ZNF350: variants seen among roughly 807,000 people sequenced by gnomAD.
ZNF350 encodes zinc finger protein 350.
In ZNF350, 5 loss-of-function variants were observed where a neutral mutation model predicts 13.1. That is an observed-to-expected ratio of 0.38 (90% CI 0.20 to 0.80). The LOEUF is 0.80. Ranked by LOEUF, ZNF350 falls within the 30% of genes least tolerant of loss-of-function variation. ZNF350 has a pLI of 0.43. For synonymous variants in ZNF350, 199 were observed against 224.2 expected (o/e 0.89, Z 1.00); for missense variants, 534 against 644.2 (o/e 0.83, Z 1.85).
At chr19:51,978,257 G>C (rs966710548) in intron 1 of ZNF350, among the ~76,000 whole-genome samples, 7 of 152,260 alleles carry the variant, frequency 4.6e-5, no homozygotes, top group Admixed American at 3.9e-4. Flanking sequence ...TGCAGGATTA[G>C]ATCTACCCAC....
intron 1 of ZNF350, among the ~76,000 whole-genome samples, chr19:51,984,913 CAAAAA>C (rs2086132593): frequency 6.6e-6 from 1 of 151,574 alleles, no homozygotes; most frequent in South Asian, 2.1e-4. Context: ...AAGGCTGACA[CAAAAA>C]AAGAGTGATG....
rs1014312277 is a variant in ZNF350, at chr19:51,970,237, A to G, written c.16-1106T>C. Among the ~76,000 whole-genome samples, 5 of 151,696 alleles carry G rather than the reference A, an allele frequency of 3.3e-5. No homozygotes were observed. In the East Asian group the frequency reaches 9.7e-4, roughly 29 times the overall value. ...CCACCACAACCAGCTAATTTTTTGT[A>G]TTTTTAGTAGAGATGGGGTTTCACT... On this transcript the variant is annotated intron_variant, in intron 2 of 4. Coordinates refer to ENST00000243644, the MANE Select transcript of ZNF350 (RefSeq NM_021632.4).
In ZNF350 at chr19:51,965,209, G is replaced by A. The variant is rs777940934; in HGVS notation, c.1244C>T (p.Ser415Leu). 1.4e-5 allele frequency: 23 copies of A among 1,613,958 alleles called. No homozygotes were observed. Among genetic ancestry groups the A allele is most frequent in the Middle Eastern group, 1.6e-4 (1 of 6,084 alleles). Residue 415 changes from serine (S) to leucine (L), a missense_variant, in exon 5 of 5, where the codon TCG (serine) becomes TTG (leucine). Coordinates refer to ENST00000243644, the MANE Select transcript of ZNF350 (RefSeq NM_021632.4). ...NECGKAFAYMSCLVKHKRIHT... is the reference protein window; with the variant it reads ...NECGKAFAYMLCLVKHKRIHT... The stretch of plus-strand genomic sequence containing the variant: ...TATTCTCTTATGCTTAACCAGACAC[G>A]ACATATACGCAAACGCTTTCCCACA...
chr19:51,986,818 T>G lies in ZNF350; in HGVS notation c.-220A>C, dbSNP rs1423017489. ...GAAGGGCCTCAACGTTACACTTCCG[T>G]AAACTGCTCCTACTTCTGGAGTCCT... On this transcript the variant is annotated 5_prime_UTR_variant, in exon 1 of 5. Transcript: ENST00000243644. 6.6e-6 allele frequency: 1 copy of G among 152,208 alleles called. No individual in the cohort carries two copies. The highest frequency in any genetic ancestry group is 2.4e-5 in the African/African-American group (1 of 41,426). The allele number at this position is 152,208 out of a possible 1,614,324, so 9.4% of individuals were successfully genotyped here.
rs2085511197 is a variant in ZNF350 at position 51,964,517 on chromosome 19, C to A, written c.*337G>T. 3.1e-6 allele frequency: 1 copy of A among 319,096 alleles called. No homozygotes were observed. Among genetic ancestry groups the A allele is most frequent in the Non-Finnish European group, 5.8e-6 (1 of 172,464 alleles). The allele number at this position is 319,096 out of a possible 1,614,324, so 19.8% of individuals were successfully genotyped here. On this transcript the variant is annotated 3_prime_UTR_variant, in exon 5 of 5. Coordinates refer to ENST00000243644, the MANE Select transcript of ZNF350 (RefSeq NM_021632.4). ...CACATTCCACCATTACAGTATTAGC[C>A]CTTTCCCACCAACTGCCCCTTATGA...
chr19:51,967,580 A>G (rs1175174998), intron 4 of ZNF350, among the ~76,000 whole-genome samples: 1 of 152,174 alleles, frequency 6.6e-6, no homozygotes, highest in African/African-American at 2.4e-5. Flanking sequence ...GAGAAATTTG[A>G]CAGGTAACAT....
chr19:51,965,074 GC>G lies in ZNF350; in HGVS notation c.1378del (p.Ala460ArgfsTer14). On this transcript the variant is annotated frameshift_variant, in exon 5 of 5. Transcript: ENST00000243644. LOFTEE classifies it low-confidence loss of function (END_TRUNC). ...GGCCACAGAAGGCACTTGTGTAGTC[GC>G]CCCGTTAGCAGAGTTTTTCTCCTGC... ...VMQEKNSANG[A>X]TTQVPSVAPQ... is the part of the protein sequence containing the mutation. The G allele has an allele frequency of 6.2e-7, 1 of 1,614,114 alleles. No individual in the cohort carries two copies. Among genetic ancestry groups the G allele is most frequent in the Non-Finnish European group, 8.5e-7 (1 of 1,180,012 alleles).
At chr19:51,969,741 C>T (rs1348251179) in intron 2 of ZNF350, among the ~76,000 whole-genome samples, 1 of 151,984 alleles carries the variant, frequency 6.6e-6, no homozygotes, top group Admixed American at 6.6e-5. Context: ...AGGCAGGAGG[C>T]TCATTTGAGC....
intron 1 of ZNF350, among the ~76,000 whole-genome samples, chr19:51,980,329 C>A (rs2086002432): frequency 6.6e-6 from 1 of 152,220 alleles, no homozygotes; most frequent in Non-Finnish European, 1.5e-5. Flanking sequence ...TGTAACACTT[C>A]TTCTAACTCA....
At position 51,964,892 on chromosome 19, in the gene ZNF350, T is replaced by C; in HGVS notation, c.1561A>G (p.Ile521Val). Reference protein sequence around the residue: ...NAVNVVVPSVINYVLFYVTEN... With the variant: ...NAVNVVVPSVVNYVLFYVTEN... Reference sequence around the variant, plus strand: ...GTAACATAAAATAAGACATAATTGATCACGGAAGGCACAACCACATTCACT... The same window carrying C: ...GTAACATAAAATAAGACATAATTGACCACGGAAGGCACAACCACATTCACT... The change falls in exon 5 of 5, where the codon ATC becomes GTC. Residue 521 changes from isoleucine (I) to valine (V), a missense_variant. Ile to Val is a conservative substitution (Grantham distance 29). Transcript: ENST00000243644. 1.2e-6 allele frequency: 2 copies of C among 1,613,042 alleles called. No individual in the cohort carries two copies. Among genetic ancestry groups the C allele is most frequent in the Non-Finnish European group, 8.5e-7 (1 of 1,179,116 alleles).
chr19:51,970,379 A>G (rs968147736), intron 2 of ZNF350, among the ~76,000 whole-genome samples: 1 of 152,154 alleles, frequency 6.6e-6, no homozygotes, highest in South Asian at 2.1e-4. Flanking sequence ...ACTTTAAATT[A>G]TCTTTAGATT....
rs4987042 is a variant in ZNF350, at chr19:51,968,610, A to G, written c.206T>C (p.Ile69Thr). The change falls in exon 4 of 5, where the codon ATT becomes ACT. Residue 69 changes from isoleucine (I) to threonine (T), a missense_variant. Physicochemically the swap from Ile to Thr is moderately conservative, Grantham distance 89. Transcript: ENST00000243644. ...GGCTCCACTGTGGATTCCATCTTCA[A>G]TTGTCCACAGTTGTTCTCCTTGTTC... Reference protein sequence around the residue: ...KLEQGEQLWTIEDGIHSGACS... With the variant: ...KLEQGEQLWTTEDGIHSGACS... 1.9e-3 allele frequency: 3,113 copies of G among 1,614,038 alleles called. 9 individuals are homozygous for G. The highest frequency in any genetic ancestry group is 6.5e-3 in the African/African-American group (488 of 75,004).
At chr19:51,974,151 G>A (rs1299279128) in intron 2 of ZNF350, 195 bp downstream of exon 2, 1 of 513,348 alleles carries the variant, frequency 1.9e-6, no homozygotes, top group Admixed American at 3.3e-5. Flanking sequence ...TCATAATTTA[G>A]TGTTAATGCT....
chr19:51,984,071 G>A (rs1412723955), intron 1 of ZNF350: 1 of 152,084 alleles, frequency 6.6e-6, no homozygotes, highest in Non-Finnish European at 1.5e-5. Flanking sequence ...CAGCTACTCG[G>A]GAGGCCGTGG....
intron 2 of ZNF350, 149 bp downstream of exon 2, chr19:51,974,197 G>T (rs2085823547): frequency 6.7e-6 from 5 of 743,646 alleles, no homozygotes; most frequent in Non-Finnish European, 1.1e-5. Context: ...TATTTTGCAT[G>T]ATATTGAGTT....
chr19:51,968,817 T>G, intron 3 of ZNF350, 144 bp from the exon 4 acceptor site: 2 of 1,442,544 alleles, frequency 1.4e-6, no homozygotes, highest in Non-Finnish European at 1.9e-6. Context: ...AAAGTTTCGT[T>G]TCATATCTGT....
intron 1 of ZNF350, among the ~76,000 whole-genome samples, chr19:51,986,227 C>G (rs2086155390): frequency 1.3e-5 from 2 of 152,166 alleles, no homozygotes; most frequent in South Asian, 4.1e-4. Context: ...CGAACTAATG[C>G]TGGGGGCTGT....
At position 51,969,096 on chromosome 19, in the gene ZNF350, G is replaced by A; in HGVS notation, c.51C>T (p.Phe17=). The change falls in exon 3 of 5, where the codon TTC becomes TTT. Residue 17 remains phenylalanine, a synonymous_variant. Coordinates refer to ENST00000243644, the MANE Select transcript of ZNF350 (RefSeq NM_021632.4). ...SITLEDVAVD[F]TWEEWQLLGA... ...CCAGGAGTTGCCACTCCTCCCAAGT[G>A]AAGTCCACAGCCACATCCTCCAGTG... is the stretch of plus-strand genomic sequence containing the variant. The A allele has an allele frequency of 6.2e-7, 1 of 1,614,084 alleles. No individual in the cohort carries two copies. Among genetic ancestry groups the A allele is most frequent in the Non-Finnish European group, 8.5e-7 (1 of 1,179,980 alleles).
Position 51,964,621 on chromosome 19 carries a change from C to T in ZNF350, c.*233G>A. 1 of 527,978 alleles carries T rather than the reference C, an allele frequency of 1.9e-6. No individual in the cohort carries two copies. The highest frequency in any genetic ancestry group is 3.0e-5 in the South Asian group (1 of 33,106). 32.7% of individuals were successfully genotyped at this position (527,978 alleles called of 1,614,324 possible). The stretch of plus-strand genomic sequence containing the variant: ...AATTCACAGTACTTCATTTCCTCCA[C>T]TTAAAAGTACTTGGGCTTCCTTTAC... On this transcript the variant is annotated 3_prime_UTR_variant, in exon 5 of 5. Coordinates refer to ENST00000243644, the MANE Select transcript of ZNF350 (RefSeq NM_021632.4).
Sources: gnomAD v4.1 joint callset for allele counts (sites outside exome capture counted in the v4.1 genomes callset) on GRCh38, gnomAD v4.1.1 for gene constraint, MANE v1.5 for transcripts, NCBI Gene and HGNC (gene_info 2026-07-23, HGNC 2026-07-21) for gene names.